The following ZP3 variants were observed in gnomAD, a reference collection of about 807,000 sequenced individuals.
ZP3 encodes zona pellucida sperm-binding protein 3.
A neutral mutation model predicts 35.6 loss-of-function variants in ZP3; 21 were observed. The ratio of observed to expected loss-of-function variants is 0.59; its 90% confidence interval spans 0.42 to 0.85. The LOEUF (loss-of-function observed/expected upper bound fraction) is 0.85, where lower values mean the gene tolerates loss of function less well. Ranked by LOEUF, ZP3 falls within the 40% of genes least tolerant of loss-of-function variation. The probability of loss-of-function intolerance (pLI) is 0.00; values close to 1 mark genes in which losing one functional copy is unlikely to be tolerated. For synonymous variants in ZP3, 207 were observed against 214.5 expected (o/e 0.96, Z 0.31); for missense variants, 437 against 536.5 (o/e 0.81, Z 1.83).
chr7:76,423,696 C>T (rs1403855915), upstream of ZP3, among the ~76,000 whole-genome samples: 3 of 151,592 alleles, frequency 2.0e-5, no homozygotes, highest in African/African-American at 4.8e-5. Flanking sequence ...CTGAGGTGGG[C>T]GGATCCCTTG....
At chr7:76,407,873 C>G (rs57966166) in intron 1 of ZP3, among the ~76,000 whole-genome samples, 64,389 of 152,044 alleles carry the variant, frequency 0.42, 13,846 homozygotes, top group South Asian at 0.53. Flanking sequence ...GCATTGTGTG[C>G]ACTGTGGACT....
chr7:76,429,951 C>T (rs189593622), intron 2 of ZP3, among the ~76,000 whole-genome samples: 1 of 152,200 alleles, frequency 6.6e-6, no homozygotes, highest in Admixed American at 6.6e-5. Flanking sequence ...GGGCCAGGTG[C>T]AGTGGCTCAT....
At chr7:76,432,291 C>A (rs547343585) in intron 2 of ZP3, among the ~76,000 whole-genome samples, 136 of 152,080 alleles carry the variant, frequency 8.9e-4, no homozygotes, top group Non-Finnish European at 1.5e-3. Flanking sequence ...GAGGTTCACG[C>A]CATTCTCCTG....
chr7:76,441,070 C>A (rs1354538872), intron 7 of ZP3, among the ~76,000 whole-genome samples: 2 of 150,586 alleles, frequency 1.3e-5, no homozygotes, highest in Non-Finnish European at 3.0e-5. Flanking sequence ...ACTTGGGAGG[C>A]TGAGGCAGGA....
chr7:76,423,080 A>AAAGAAAGG (rs1554624543), upstream of ZP3, among the ~76,000 whole-genome samples: 47 of 142,650 alleles, frequency 3.3e-4, 1 homozygote, highest in Admixed American at 1.4e-3. Context: ...AGAAAGAAAG[A>AAAGAAAGG]AAGAAAAGAA....
At chr7:76,403,796 G>A (rs1804908029) in intron 1 of ZP3, among the ~76,000 whole-genome samples, 1 of 151,800 alleles carries the variant, frequency 6.6e-6, no homozygotes, top group African/African-American at 2.4e-5. Context: ...TGAGTAGCTG[G>A]GATTACAGGT....
At chr7:76,438,453 G>A (rs1326509023) in intron 5 of ZP3, among the ~76,000 whole-genome samples, 1 of 151,692 alleles carries the variant, frequency 6.6e-6, no homozygotes, top group Admixed American at 6.6e-5. Context: ...ATCTACTTGG[G>A]AGGCTGAGGC....
Position 76,433,059 on chromosome 7 carries a change from T to C in ZP3, c.535+29T>C, listed in dbSNP as rs542600406. The C allele has an allele frequency of 2.2e-5, 35 of 1,583,326 alleles. 2 individuals carry two copies. In the South Asian group the frequency reaches 3.3e-4, roughly 15 times the overall value. ...AGAGAAGAAGGCTGGGTGGGACATCTGTGGAAAGACCTGGGCCATCTCAGA... is the reference window on the plus strand; with the variant it reads ...AGAGAAGAAGGCTGGGTGGGACATCCGTGGAAAGACCTGGGCCATCTCAGA... On this transcript the variant is annotated intron_variant, in intron 3 of 7. Transcript: ENST00000394857.
At chr7:76,439,327 A>G (rs2115946527) in intron 5 of ZP3, among the ~76,000 whole-genome samples, 1 of 152,380 alleles carries the variant, frequency 6.6e-6, no homozygotes, top group South Asian at 2.1e-4. Context: ...CAGCGTCAGA[A>G]GCCCAGCTAA....
At position 76,403,398 on chromosome 7, in the gene ZP3, C is replaced by T. The variant is rs186408713; in HGVS notation, c.-67+5601C>T. ...TGTCACTCAGGCTGGAGTGCAATGG[C>T]GCAATCTCAGCTCACTGCAACCTCC... On this transcript the variant is annotated intron_variant, in intron 1 of 8. Transcript: ENST00000336517. Among the ~76,000 whole-genome samples, 298 of 150,438 alleles carry T rather than the reference C, an allele frequency of 2.0e-3. 2 individuals carry two copies. The highest frequency in any genetic ancestry group is 7.0e-3 in the African/African-American group (287 of 41,138).
At chr7:76,401,154 G>T in intron 1 of ZP3, 1 of 1,362,888 alleles carries the variant, frequency 7.3e-7, no homozygotes, top group Non-Finnish European at 9.8e-7. Flanking sequence ...CCATCTTCTT[G>T]GACTTCAGTA....
chr7:76,426,697 G>A (rs796756980), intron 1 of ZP3, among the ~76,000 whole-genome samples: 1 of 151,998 alleles, frequency 6.6e-6, no homozygotes, highest in Non-Finnish European at 1.5e-5. Flanking sequence ...CTGATAAGTG[G>A]TATTTTTTTG....
At position 76,440,618 on chromosome 7, in the gene ZP3, C is replaced by G; in HGVS notation, c.1060+7C>G. 1 of 1,607,600 alleles carries G rather than the reference C, an allele frequency of 6.2e-7. No individual in the cohort carries two copies. The highest frequency in any genetic ancestry group is 8.5e-7 in the Non-Finnish European group (1 of 1,175,674). ...TCCCGTAACCGCAGGCATGGTATGT[C>G]ACAGAATGGCCAAGAGGCTGTTCAT... is the stretch of plus-strand genomic sequence containing the variant. On this transcript the variant is annotated splice_region_variant and intron_variant, in intron 7 of 7. Coordinates refer to ENST00000394857, the MANE Select transcript of ZP3 (RefSeq NM_001110354.2).
upstream of ZP3, among the ~76,000 whole-genome samples, chr7:76,423,229 G>A (rs1374503709): frequency 1.3e-5 from 2 of 151,012 alleles, no homozygotes; most frequent in Admixed American, 1.3e-4. Context: ...GAGAGAGAGG[G>A]AAAGAGAGAG....
Position 76,415,123 on chromosome 7 carries a change from C to T in ZP3, c.-66-9929C>T, listed in dbSNP as rs1006752303. 1.8e-4 allele frequency among the ~76,000 whole-genome samples: 28 copies of T among 151,514 alleles called. No homozygotes were observed. The East Asian group carries it at 5.6e-3, about 30-fold the overall frequency. On this transcript the variant is annotated intron_variant, in intron 1 of 8. Coordinates refer to the ZP3 transcript ENST00000336517. ...CAGCGCGGTGGCTCATGCCTGTAATCCCAGCACTTTGGAAGGCCGAGGTGG... is the reference window on the plus strand; with the variant it reads ...CAGCGCGGTGGCTCATGCCTGTAATTCCAGCACTTTGGAAGGCCGAGGTGG...
intron 1 of ZP3, among the ~76,000 whole-genome samples, chr7:76,414,190 T>A (rs1253043107): frequency 6.6e-6 from 1 of 151,594 alleles, no homozygotes; most frequent in Non-Finnish European, 1.5e-5. Context: ...AGAGATGTGG[T>A]TTTGCCATGT....
chr7:76,433,130 T>TTTGGTTGGTC, intron 3 of ZP3, 100 bp downstream of exon 3: 5 of 606,756 alleles, frequency 8.2e-6, no homozygotes, highest in South Asian at 7.9e-5. Context: ...TGGTTTTGGT[T>TTTGGTTGGTC]TTGGTTGGTT....
chr7:76,439,126 C>T (rs1475234626), intron 5 of ZP3, among the ~76,000 whole-genome samples: 132 of 101,650 alleles, frequency 1.3e-3, no homozygotes, highest in Non-Finnish European at 2.6e-3. Context: ...AGCAAGACTC[C>T]ACCTCAAAAA....
chr7:76,406,079 G>A (rs537079432), intron 1 of ZP3, among the ~76,000 whole-genome samples: 24 of 152,070 alleles, frequency 1.6e-4, no homozygotes, highest in Middle Eastern at 3.4e-3. Flanking sequence ...TCTGCCTCCC[G>A]GGTTCAAGCG....
Sources: allele counts gnomAD v4.1 joint callset (sites outside exome capture counted in the v4.1 genomes callset), GRCh38; gene constraint gnomAD v4.1.1; transcripts MANE v1.5; gene names NCBI Gene and HGNC (gene_info 2026-07-23, HGNC 2026-07-21).